JAK2: variants seen among roughly 807,000 people sequenced by gnomAD.
JAK2 encodes the protein tyrosine-protein kinase JAK2.
A neutral mutation model predicts 139.3 loss-of-function variants in JAK2; 86 were observed. The ratio of observed to expected loss-of-function variants is 0.62; its 90% confidence interval spans 0.52 to 0.74. The LOEUF is 0.74. Among genes scored for constraint, JAK2 ranks in the 30% least tolerant of loss-of-function variants. JAK2 has a pLI of 0.00. For missense variants in JAK2, 1,421 were observed against 1,360.3 expected (o/e 1.04, Z -0.70); for synonymous variants, 490 against 437.7 (o/e 1.12, Z -1.49).
intron 2 of JAK2, among the ~76,000 whole-genome samples, chr9:5,014,576 A>G (rs891159800): frequency 9.9e-5 from 15 of 152,198 alleles, no homozygotes; most frequent in African/African-American, 3.4e-4. Flanking sequence ...GCAGGGACTG[A>G]TGGAGAAGGA....
At chr9:5,068,187 AAAC>A (rs1482813341) in intron 10 of JAK2, among the ~76,000 whole-genome samples, 1 of 151,976 alleles carries the variant, frequency 6.6e-6, no homozygotes, top group East Asian at 1.9e-4. Context: ...AAAAAAAAAA[AAAC>A]AAGAAAGGTT....
intron 4 of JAK2, among the ~76,000 whole-genome samples, chr9:5,033,967 C>G (rs142562774): frequency 6.6e-6 from 1 of 152,082 alleles, no homozygotes; most frequent in African/African-American, 2.4e-5. Context: ...AGAGTCAAGA[C>G]CCATCAGTGT....
intron 4 of JAK2, among the ~76,000 whole-genome samples, chr9:5,042,987 G>A (rs7033053): frequency 0.28 from 41,994 of 152,116 alleles, 6,314 homozygotes; most frequent in African/African-American, 0.39. Context: ...AGAAGCTGAG[G>A]GGGGTGGGCC....
chr9:5,119,244 A>G (rs1823433607), intron 22 of JAK2, among the ~76,000 whole-genome samples: 1 of 152,126 alleles, frequency 6.6e-6, no homozygotes, highest in South Asian at 2.1e-4. Flanking sequence ...CACTAAATAT[A>G]TTAATAATAT....
chr9:5,025,697 T>G (rs920704984), intron 3 of JAK2, among the ~76,000 whole-genome samples: 42 of 152,116 alleles, frequency 2.8e-4, no homozygotes, highest in Non-Finnish European at 5.9e-5. Context: ...CACACCCAGC[T>G]AATTTTTGTA....
At chr9:5,063,880 G>T (rs539298307) in intron 8 of JAK2, among the ~76,000 whole-genome samples, 10 of 152,308 alleles carry the variant, frequency 6.6e-5, no homozygotes, top group Admixed American at 5.2e-4. Context: ...CAATCAGGCC[G>T]GGCATGGTGA....
At chr9:5,048,147 T>C (rs1817151525) in intron 5 of JAK2, among the ~76,000 whole-genome samples, 1 of 152,068 alleles carries the variant, frequency 6.6e-6, no homozygotes, top group African/African-American at 2.4e-5. Flanking sequence ...TTTTCTTTTC[T>C]TTCTTTTTTT....
intron 22 of JAK2, chr9:5,112,179 G>C (rs974649011): frequency 2.6e-5 from 7 of 266,026 alleles, no homozygotes; most frequent in Non-Finnish European, 5.3e-5. Context: ...GCCACCGGGC[G>C]CTGGCCTTGG....
intron 4 of JAK2, among the ~76,000 whole-genome samples, chr9:5,042,639 C>A (rs1485097394): frequency 6.6e-6 from 1 of 151,884 alleles, no homozygotes; most frequent in Admixed American, 6.5e-5. Context: ...TAAAGTCCAG[C>A]TTGTCTCCCT....
intron 22 of JAK2, among the ~76,000 whole-genome samples, chr9:5,119,207 G>A (rs1300249703): frequency 1.3e-5 from 2 of 152,008 alleles, no homozygotes; most frequent in Admixed American, 1.3e-4. Flanking sequence ...ATTTCTGGCA[G>A]AAAAACTCAG....
chr9:5,074,377 C>T (rs1413151545), intron 14 of JAK2, among the ~76,000 whole-genome samples: 1 of 152,116 alleles, frequency 6.6e-6, no homozygotes, highest in African/African-American at 2.4e-5. Flanking sequence ...CAGTGTCTAG[C>T]AACTCTGTCA....
chr9:5,100,468 G>A (rs1821383029), intron 22 of JAK2: 1 of 152,128 alleles, frequency 6.6e-6, no homozygotes, highest in Non-Finnish European at 1.5e-5. Context: ...GTCCAAAAAG[G>A]CCTCCAATAT....
intron 4 of JAK2, among the ~76,000 whole-genome samples, chr9:5,031,776 G>C (rs1823164407): frequency 2.0e-5 from 3 of 152,190 alleles, no homozygotes; most frequent in Admixed American, 2.0e-4. Flanking sequence ...AGGCAGGAGG[G>C]TGGAGCCAAG....
intron 23 of JAK2, 69 bp downstream of exon 23, chr9:5,123,190 C>G: frequency 9.2e-7 from 1 of 1,082,058 alleles, no homozygotes; most frequent in Non-Finnish European, 1.4e-6. Context: ...TTATGGGGTA[C>G]AAGTACAATT....
intron 21 of JAK2, 28 bp from the exon 22 acceptor site, chr9:5,090,711 A>G (rs1820509806): frequency 6.4e-7 from 1 of 1,564,402 alleles, no homozygotes; most frequent in South Asian, 1.2e-5. Flanking sequence ...TTATAAAACT[A>G]GCTGAAAGAA....
intron 8 of JAK2, among the ~76,000 whole-genome samples, chr9:5,061,018 G>C (rs1818133009): frequency 1.3e-5 from 2 of 152,170 alleles, no homozygotes; most frequent in Non-Finnish European, 2.9e-5. Context: ...TTGTCAATGA[G>C]AGTAATACTT....
In JAK2 at chr9:5,044,432, G is replaced by A. The variant is rs56118985; in HGVS notation, c.380G>A (p.Gly127Asp). The A allele has an allele frequency of 5.2e-4, 834 of 1,612,238 alleles. 13 individuals are homozygous for A. The East Asian group carries it at 0.013, about 24-fold the overall frequency. The part of the protein sequence containing the change: ...RFYFPRWYCS[G>D]SNRAYRHGIS... ...TACTTTCCTCGTTGGTATTGCAGTG[G>A]CAGCAACAGAGCCTATCGGCATGGA... The change falls in exon 5 of 25, where the codon GGC becomes GAC. Residue 127 changes from glycine (G) to aspartate (D), a missense_variant. Gly to Asp is a moderately conservative substitution (Grantham distance 94, BLOSUM62 -1). Transcript: ENST00000381652.
At chr9:5,114,196 A>C (rs377301498) in intron 22 of JAK2, 2 of 475,804 alleles carry the variant, frequency 4.2e-6, no homozygotes, top group Non-Finnish European at 4.1e-6. Context: ...GTGAGCACCT[A>C]CCTGAGCCGG....
intron 2 of JAK2, among the ~76,000 whole-genome samples, chr9:5,017,399 T>C (rs1822137381): frequency 6.6e-6 from 1 of 152,236 alleles, no homozygotes; most frequent in Non-Finnish European, 1.5e-5. Context: ...TGCTAAGAAC[T>C]TCGTTTAAAT....
Sources: allele counts gnomAD v4.1 joint callset (sites outside exome capture counted in the v4.1 genomes callset), GRCh38; gene constraint gnomAD v4.1.1; transcripts MANE v1.5; gene names NCBI Gene and HGNC (gene_info 2026-07-23, HGNC 2026-07-21).